Variants in RHBDF2 observed in about 807,000 individuals in gnomAD.
The protein encoded by RHBDF2 is inactive rhomboid protein 2.
RHBDF2 carries 38 observed loss-of-function variants against 95.2 expected under a neutral mutation model. The ratio of observed to expected loss-of-function variants is 0.40; its 90% CI spans 0.31 to 0.52. RHBDF2 has a LOEUF of 0.52. Ranked by LOEUF, RHBDF2 falls within the 20% of genes least tolerant of loss-of-function variation. The pLI, the probability that RHBDF2 is intolerant of heterozygous loss-of-function variation, is 0.56. For synonymous variants in RHBDF2, 442 were observed against 462.0 expected, an observed-to-expected ratio of 0.96 and a Z score of 0.55; for missense variants, 863 against 1,137.7, an observed-to-expected ratio of 0.76 and a Z score of 3.47.
chr17:76,488,658 A>T (rs2074211183), intron 1 of RHBDF2, among the ~76,000 whole-genome samples: 1 of 152,044 alleles, frequency 6.6e-6, no homozygotes, highest in Admixed American at 6.6e-5. Flanking sequence ...GAATACAAAA[A>T]TTAGCCGGGG....
chr17:76,478,406 C>T (rs560648336), intron 6 of RHBDF2, among the ~76,000 whole-genome samples: 20 of 152,376 alleles, frequency 1.3e-4, no homozygotes, highest in Admixed American at 2.0e-4. Flanking sequence ...CCTAAACTGA[C>T]CACCCTGAAT....
intron 3 of RHBDF2, among the ~76,000 whole-genome samples, chr17:76,480,896 C>T (rs890110416): frequency 1.3e-5 from 2 of 152,180 alleles, no homozygotes; most frequent in Admixed American, 6.5e-5. Context: ...TGCCACAAGC[C>T]GGTTTTCAAT....
intron 1 of RHBDF2, chr17:76,493,223 C>T (rs2074349468): frequency 6.6e-6 from 1 of 152,244 alleles, no homozygotes; most frequent in Admixed American, 6.5e-5. Flanking sequence ...ACTCATTTTC[C>T]CTGCCTGTGG....
chr17:76,480,566 T>G (rs2073935203), intron 3 of RHBDF2, among the ~76,000 whole-genome samples: 2 of 151,980 alleles, frequency 1.3e-5, no homozygotes, highest in South Asian at 4.1e-4. Context: ...TAATTTTTTT[T>G]GCAGAGACAG....
chr17:76,500,659 C>T (rs1320780072), intron 1 of RHBDF2, among the ~76,000 whole-genome samples: 1 of 152,198 alleles, frequency 6.6e-6, no homozygotes, highest in Non-Finnish European at 1.5e-5. Context: ...GCTTCCTTTG[C>T]GCCCTGGCGT....
intron 1 of RHBDF2, among the ~76,000 whole-genome samples, chr17:76,494,684 G>A (rs767812241): frequency 6.6e-6 from 1 of 152,166 alleles, no homozygotes; most frequent in Non-Finnish European, 1.5e-5. Flanking sequence ...CCTGGGAGGC[G>A]GAGGTTGAAG....
Position 76,475,073 on chromosome 17 carries a change from C to A in RHBDF2, c.1184G>T (p.Gly395Val). 2 of 1,598,432 alleles carry A rather than the reference C, an allele frequency of 1.3e-6. No individual in the cohort carries two copies. Among genetic ancestry groups the A allele is most frequent in the Non-Finnish European group, 1.7e-6 (2 of 1,173,466 alleles). ...IITLLVICTY[G>V]IAPVGFAQHV... is the part of the protein sequence containing the mutation. Reference sequence around the variant, plus strand: ...CTGGGCAAAGCCCACGGGTGCGATGCCATACGTGCAAATCACCAGCAGCGT... The same window carrying A: ...CTGGGCAAAGCCCACGGGTGCGATGACATACGTGCAAATCACCAGCAGCGT... Residue 395 changes from glycine (G) to valine (V), a missense_variant, in exon 10 of 19, where the codon GGC becomes GTC. Physicochemically the swap from Gly to Val is moderately radical, Grantham distance 109. Transcript: ENST00000675367.
intron 15 of RHBDF2, 29 bp from the exon 16 acceptor site, chr17:76,473,356 A>G: frequency 6.3e-7 from 1 of 1,587,598 alleles, no homozygotes; most frequent in Non-Finnish European, 8.6e-7. Context: ...AAGAGGGGAC[A>G]TCAGGGCGCC....
chr17:76,473,061 G>T lies in RHBDF2; in HGVS notation c.1854C>A (p.Asn618Lys). Reference protein sequence around the residue: ...DKVCGLLPFLNPEVPDQFYRL... With the variant: ...DKVCGLLPFLKPEVPDQFYRL... ...TGTAGAACTGATCTGGGACCTCAGG[G>T]TTGAGGAAGGGCAGCAGCCCACACA... is the stretch of plus-strand genomic sequence containing the variant. Residue 618 changes from asparagine to lysine, a missense_variant, in exon 17 of 19, where the codon AAC (asparagine) becomes AAA (lysine). This residue lies in a region of RHBDF2 where 252 missense variants were observed against 412.2 expected (regional missense o/e 0.61). Transcript: ENST00000675367. The T allele has an allele frequency of 6.2e-7, 1 of 1,614,152 alleles. No individual in the cohort carries two copies. Among genetic ancestry groups the T allele is most frequent in the Non-Finnish European group, 8.5e-7 (1 of 1,179,998 alleles).
intron 6 of RHBDF2, among the ~76,000 whole-genome samples, chr17:76,478,166 C>T (rs928705350): frequency 2.0e-5 from 3 of 152,204 alleles, no homozygotes; most frequent in African/African-American, 7.2e-5. Flanking sequence ...AATACCAGGT[C>T]CCTGCCCACC....
chr17:76,494,913 C>G (rs146218351), intron 1 of RHBDF2, among the ~76,000 whole-genome samples: 1 of 152,170 alleles, frequency 6.6e-6, no homozygotes. Context: ...GAAGGGGGCA[C>G]GCACAGCAGC....
rs764042206 is a variant in RHBDF2 at position 76,476,867 on chromosome 17, T to C, written c.1078A>G (p.Thr360Ala). ...NRSYRRSISSTVQRQLESFDS... is the reference protein window; with the variant it reads ...NRSYRRSISSAVQRQLESFDS... ...AAGCTCTCCAGCTGCCGCTGCACAG[T>C]GCTGCTGATGCTGCGGCGGTAGCTG... Residue 360 changes from threonine (T) to alanine (A), a missense_variant, in exon 9 of 19, where the codon ACT (threonine) becomes GCT (alanine). Thr to Ala is a moderately conservative substitution (Grantham distance 58). Coordinates refer to ENST00000675367, the MANE Select transcript of RHBDF2 (RefSeq NM_001005498.4). 1 of 1,612,098 alleles carries C rather than the reference T, an allele frequency of 6.2e-7. No individual in the cohort carries two copies. Among genetic ancestry groups the C allele is most frequent in the South Asian group, 1.1e-5 (1 of 90,998 alleles).
At chr17:76,501,031 G>A (rs542908535) in intron 1 of RHBDF2, 4 of 152,498 alleles carry the variant, frequency 2.6e-5, no homozygotes, top group African/African-American at 7.2e-5. Context: ...TTCCTCCGGA[G>A]GTTTAAATCT....
At chr17:76,479,404 T>C in intron 4 of RHBDF2, 127 bp from the exon 5 acceptor site, 2 of 1,345,696 alleles carry the variant, frequency 1.5e-6, no homozygotes, top group Non-Finnish European at 2.1e-6. Context: ...GATCTGCCTG[T>C]GAGGCCCCTG....
intron 1 of RHBDF2, among the ~76,000 whole-genome samples, chr17:76,491,078 A>G (rs994998413): frequency 2.0e-5 from 3 of 152,210 alleles, no homozygotes; most frequent in African/African-American, 7.2e-5. Flanking sequence ...TGGTCCAGGA[A>G]GCAGCCCTCT....
rs565386980 is a variant in RHBDF2, at chr17:76,479,881, C to A, written c.151-27G>T. ...TTGGGGAGGAAGGAGGGAGGGCAGG[C>A]GGTGGTGTGTGCAGCCCAGGTCCTG... On this transcript the variant is annotated intron_variant, in intron 3 of 18. Transcript: ENST00000675367. 2.5e-5 allele frequency: 41 copies of A among 1,610,486 alleles called. No homozygotes were observed. The Middle Eastern group carries it at 5.3e-3, about 208-fold the overall frequency.
chr17:76,485,951 G>A (rs183284944), intron 2 of RHBDF2, among the ~76,000 whole-genome samples: 1 of 152,156 alleles, frequency 6.6e-6, no homozygotes, highest in Non-Finnish European at 1.5e-5. Flanking sequence ...GTGGTTCTTA[G>A]GACTGGGAAG....
chr17:76,471,476 A>T lies in RHBDF2; in HGVS notation c.*157T>A. Reference sequence around the variant, plus strand: ...CGCCTTAACCAACCATCTCACGCGGAGTCAGCCTCGCCTGGCAGGGGGGCA... The same window carrying T: ...CGCCTTAACCAACCATCTCACGCGGTGTCAGCCTCGCCTGGCAGGGGGGCA... On this transcript the variant is annotated 3_prime_UTR_variant, in exon 19 of 19. Coordinates refer to ENST00000675367, the MANE Select transcript of RHBDF2 (RefSeq NM_001005498.4). The T allele has an allele frequency of 1.3e-6, 1 of 773,144 alleles. No homozygotes were observed. The highest frequency in any genetic ancestry group is 2.0e-6 in the Non-Finnish European group (1 of 491,636). 47.9% of individuals were successfully genotyped at this position (773,144 alleles called of 1,614,324 possible).
chr17:76,489,239 G>A (rs2074232773), intron 1 of RHBDF2, among the ~76,000 whole-genome samples: 1 of 151,892 alleles, frequency 6.6e-6, no homozygotes, highest in Non-Finnish European at 1.5e-5. Flanking sequence ...GAAGTGTTTT[G>A]TTGCTTTGAT....
Sources: allele counts gnomAD v4.1 joint callset (sites outside exome capture counted in the v4.1 genomes callset), GRCh38; gene constraint gnomAD v4.1.1; regional missense constraint gnomAD v4.1.1; transcripts MANE v1.5; gene names NCBI Gene and HGNC (gene_info 2026-07-23, HGNC 2026-07-21).